The following PTPRM variants were observed in gnomAD, a reference collection of about 807,000 sequenced individuals.
PTPRM encodes receptor-type tyrosine-protein phosphatase mu.
In PTPRM, 47 loss-of-function variants were observed where a neutral mutation model predicts 186.7. The ratio of observed to expected loss-of-function variants is 0.25; its 90% CI spans 0.20 to 0.32. The LOEUF is 0.32. PTPRM is among the 10% of genes least tolerant of loss of function. The probability of loss-of-function intolerance (pLI) is 1.00; values close to 1 mark genes in which losing one functional copy is unlikely to be tolerated. For missense variants in PTPRM, 1,494 were observed against 1,865.0 expected, an observed-to-expected ratio of 0.80 and a Z score of 3.66; for synonymous variants, 668 against 674.9, an observed-to-expected ratio of 0.99 and a Z score of 0.16.
chr18:8,176,705 G>A (rs2093487995), intron 14 of PTPRM, among the ~76,000 whole-genome samples: 1 of 152,164 alleles, frequency 6.6e-6, no homozygotes, highest in African/African-American at 2.4e-5. Context: ...AGGCGCACCC[G>A]GTTGGTACTG....
chr18:8,312,226 A>G (rs563480111), intron 20 of PTPRM, among the ~76,000 whole-genome samples: 1 of 152,272 alleles, frequency 6.6e-6, no homozygotes, highest in Admixed American at 6.5e-5. Flanking sequence ...CAGTAGTTGC[A>G]TGTAGGCACT....
Position 7,708,194 on chromosome 18 carries a change from A to G in PTPRM, c.74-65955A>G, listed in dbSNP as rs686896. 4.8e-3 allele frequency among the ~76,000 whole-genome samples: 725 copies of G among 152,322 alleles called. 5 individuals are homozygous for G. Among genetic ancestry groups the G allele is most frequent in the African/African-American group, 0.016 (674 of 41,568 alleles). ...ATTTTTGGTACCATGTCCAGCTTTT[A>G]CAATATCATATTGAGAGCCTTAACT... On this transcript the variant is annotated intron_variant, in intron 1 of 32. Transcript: ENST00000580170.
chr18:7,640,557 A>G (rs1023111131), intron 1 of PTPRM, among the ~76,000 whole-genome samples: 2 of 152,068 alleles, frequency 1.3e-5, no homozygotes, highest in Non-Finnish European at 2.9e-5. Context: ...GCAGCAGCCA[A>G]TTGGTGTGGT....
intron 2 of PTPRM, among the ~76,000 whole-genome samples, chr18:7,857,769 C>T (rs982646033): frequency 1.3e-5 from 2 of 152,058 alleles, no homozygotes; most frequent in African/African-American, 4.8e-5. Context: ...CCAACTTTTT[C>T]GACATCAGTA....
rs559096664 is a variant in PTPRM, at chr18:7,985,267, A to G, written c.1132+29853A>G. 9.6e-4 allele frequency among the ~76,000 whole-genome samples: 79 copies of G among 82,632 alleles called. 9 individuals are homozygous for G. Among genetic ancestry groups the G allele is most frequent in the Non-Finnish European group, 1.6e-3 (65 of 41,912 alleles). 54.2% of individuals were successfully genotyped at this position (82,632 alleles called of 152,430 possible). A position where few individuals can be genotyped will look rare whatever the true frequency, so the allele number is the denominator to read the frequency against. On this transcript the variant is annotated intron_variant, in intron 7 of 32. Transcript: ENST00000580170. The stretch of plus-strand genomic sequence containing the variant: ...TGTATATACACATATAAATATATAC[A>G]TATAATAGTATATACACATAAATAT...
At chr18:7,670,299 A>G (rs1209285785) in intron 1 of PTPRM, among the ~76,000 whole-genome samples, 5 of 152,190 alleles carry the variant, frequency 3.3e-5, no homozygotes, top group Non-Finnish European at 7.3e-5. Context: ...CAGTGAAGCT[A>G]TAGAGAGTTC....
chr18:7,623,680 C>T (rs1489126463), intron 1 of PTPRM, among the ~76,000 whole-genome samples: 2 of 152,106 alleles, frequency 1.3e-5, no homozygotes, highest in Non-Finnish European at 2.9e-5. Flanking sequence ...TCTTTGCTTG[C>T]ATTTTTTATG....
At chr18:8,082,678 C>G (rs937151969) in intron 9 of PTPRM, among the ~76,000 whole-genome samples, 4 of 151,818 alleles carry the variant, frequency 2.6e-5, no homozygotes, top group East Asian at 1.9e-4. Context: ...GGGAGTGGTA[C>G]CAGGCTCCCT....
intron 9 of PTPRM, among the ~76,000 whole-genome samples, chr18:8,085,433 C>T (rs1396193480): frequency 3.3e-5 from 5 of 152,140 alleles, no homozygotes; most frequent in East Asian, 1.9e-4. Context: ...AGCTTAACCC[C>T]GAACTCATCC....
At chr18:8,091,342 G>A (rs1462190515) in intron 11 of PTPRM, among the ~76,000 whole-genome samples, 1 of 152,120 alleles carries the variant, frequency 6.6e-6, no homozygotes, top group Non-Finnish European at 1.5e-5. Flanking sequence ...GGGGCACTTT[G>A]CATCCAGTCT....
intron 1 of PTPRM, among the ~76,000 whole-genome samples, chr18:7,699,727 G>T (rs2039919766): frequency 6.7e-6 from 1 of 148,988 alleles, no homozygotes; most frequent in Non-Finnish European, 1.5e-5. Context: ...TAACTTACAA[G>T]TTTTTTTTTT....
chr18:8,383,684 C>T (rs1285707674), intron 29 of PTPRM, among the ~76,000 whole-genome samples: 1 of 152,188 alleles, frequency 6.6e-6, no homozygotes, highest in Non-Finnish European at 1.5e-5. Flanking sequence ...AGCATTTATT[C>T]TTATTACAGC....
intron 2 of PTPRM, among the ~76,000 whole-genome samples, chr18:7,860,175 C>T (rs987465509): frequency 4.0e-5 from 6 of 151,826 alleles, no homozygotes; most frequent in African/African-American, 1.2e-4. Context: ...CAGGTTCAGG[C>T]GATTCTCCTG....
At chr18:8,165,506 A>G (rs1280826706) in intron 14 of PTPRM, among the ~76,000 whole-genome samples, 2 of 152,222 alleles carry the variant, frequency 1.3e-5, no homozygotes, top group African/African-American at 4.8e-5. Context: ...GGTGACAGTG[A>G]GAAAACCAAA....
chr18:8,125,389 A>T (rs566092012), intron 13 of PTPRM, among the ~76,000 whole-genome samples: 1 of 152,158 alleles, frequency 6.6e-6, no homozygotes, highest in South Asian at 2.1e-4. Flanking sequence ...TAAGAAATAC[A>T]TAACTACCCA....
intron 5 of PTPRM, among the ~76,000 whole-genome samples, chr18:7,948,940 G>C (rs1173750737): frequency 1.3e-5 from 2 of 152,002 alleles, no homozygotes; most frequent in South Asian, 2.1e-4. Context: ...ATTTTGAAGA[G>C]GCAAAAACAA....
intron 1 of PTPRM, among the ~76,000 whole-genome samples, chr18:7,748,440 G>A (rs2041051728): frequency 6.6e-6 from 1 of 152,108 alleles, no homozygotes; most frequent in African/African-American, 2.4e-5. Flanking sequence ...TGCGTGGGAT[G>A]TGGATGTGCT....
intron 7 of PTPRM, among the ~76,000 whole-genome samples, chr18:8,035,199 C>A (rs1158961609): frequency 6.6e-6 from 1 of 152,188 alleles, no homozygotes; most frequent in East Asian, 1.9e-4. Context: ...TTTCCACTTC[C>A]ATTTTATTAT....
intron 14 of PTPRM, among the ~76,000 whole-genome samples, chr18:8,240,777 GGAGAGAGAGAGAGAGAGAGAGA>G (rs747648655): frequency 7.8e-4 from 45 of 57,364 alleles, no homozygotes; most frequent in African/African-American, 2.9e-3. Context: ...AGAGAGAGAG[GGAGAGAGAGAGAGAGAGAGAGA>G]GAGAGAGAGA....
Sources: allele counts gnomAD v4.1 joint callset (sites outside exome capture counted in the v4.1 genomes callset), GRCh38; gene constraint gnomAD v4.1.1; transcripts MANE v1.5; gene names NCBI Gene and HGNC (gene_info 2026-07-23, HGNC 2026-07-21).